USP49: variants seen among roughly 807,000 people sequenced by gnomAD.
The protein encoded by USP49 is ubiquitin carboxyl-terminal hydrolase 49.
In USP49, 24 loss-of-function variants were observed where a neutral mutation model predicts 58.6. The ratio of observed to expected loss-of-function variants is 0.41; its 90% CI spans 0.30 to 0.58. USP49 has a LOEUF of 0.58. Among genes scored for constraint, USP49 ranks in the 20% least tolerant of loss-of-function variants. The probability of loss-of-function intolerance (pLI) is 0.30; values close to 1 mark genes in which losing one functional copy is unlikely to be tolerated. For missense variants in USP49, 703 were observed against 866.1 expected (o/e 0.81, Z 2.36); for synonymous variants, 408 against 365.1 (o/e 1.12, Z -1.34).
At position 41,806,678 on chromosome 6, in the gene USP49, G is replaced by T; in HGVS notation, c.306C>A (p.Val102=). Residue 102 remains valine, a synonymous_variant, in exon 4 of 8, where the codon GTC becomes GTA. Transcript: ENST00000682992. The surrounding 1 kb of genome is among the most constrained non-coding windows in gnomAD (Gnocchi z 5.9). ...CCGGCGTGTCCTGTTTCTGGCCCCG[G>T]ACCGCCAGGAGGGAGCTTCTTAGCA... ...LKLLRSSLLA[V]RGQKQDTPVR... 6.2e-7 allele frequency: 1 copy of T among 1,614,162 alleles called. No individual in the cohort carries two copies. The highest frequency in any genetic ancestry group is 1.1e-5 in the South Asian group (1 of 91,090).
intron 5 of USP49, among the ~76,000 whole-genome samples, chr6:41,802,407 T>TTTTTATTTTATTTTATTTTA (rs1226537417): frequency 0.013 from 1,016 of 75,920 alleles, 22 homozygotes; most frequent in Non-Finnish European, 0.018. Context: ...TTTATTTTAT[T>TTTTTATTTTATTTTATTTTA]TTTTATTTTA....
intron 3 of USP49, among the ~76,000 whole-genome samples, chr6:41,860,864 C>T (rs903900999): frequency 1.3e-5 from 2 of 152,080 alleles, no homozygotes; most frequent in African/African-American, 2.4e-5. Flanking sequence ...TGGCTGGTGG[C>T]CCATGCCTGT....
At chr6:41,857,985 G>A (rs1272897551) in intron 3 of USP49, among the ~76,000 whole-genome samples, 2 of 152,184 alleles carry the variant, frequency 1.3e-5, no homozygotes, top group Non-Finnish European at 2.9e-5. Flanking sequence ...GGATTTAGCA[G>A]ACATCTTAAA....
intron 5 of USP49, among the ~76,000 whole-genome samples, chr6:41,802,452 A>ATTTTTTTTT (rs1561902624): frequency 4.7e-5 from 3 of 63,810 alleles, no homozygotes; most frequent in Non-Finnish European, 8.7e-5. Flanking sequence ...TTATTTATTT[A>ATTTTTTTTT]TTTATTTATT....
At chr6:41,892,766 T>C (rs1039381253) in intron 1 of USP49, among the ~76,000 whole-genome samples, 2 of 152,204 alleles carry the variant, frequency 1.3e-5, no homozygotes, top group African/African-American at 2.4e-5. Context: ...AAAAAAAGTA[T>C]CTTTGTGCAT....
At chr6:41,888,511 C>T (rs192160299) in intron 2 of USP49, among the ~76,000 whole-genome samples, 1 of 151,770 alleles carries the variant, frequency 6.6e-6, no homozygotes, top group African/African-American at 2.4e-5. Flanking sequence ...TGGAGTACAA[C>T]AGCACGATCT....
rs1193846668 is a variant in USP49 at position 41,798,819 on chromosome 6, T to G, written c.1781A>C (p.Glu594Ala). 1.9e-6 allele frequency: 3 copies of G among 1,613,946 alleles called. No individual in the cohort carries two copies. Among genetic ancestry groups the G allele is most frequent in the Admixed American group, 3.3e-5 (2 of 59,978 alleles). The change falls in exon 7 of 8, where the codon GAG (glutamate) becomes GCG (alanine). Residue 594 changes from glutamate (E) to alanine (A), a missense_variant. By Grantham distance (107) the Glu-to-Ala change is moderately radical. Coordinates refer to ENST00000682992, the MANE Select transcript of USP49 (RefSeq NM_001286554.2). ...CRDMLSSLDK[E>A]TFAYDLSAVV... is the part of the protein sequence containing the mutation. ...TGCGGAGAGATCATAGGCAAAGGTC[T>G]CTTTGTCAAGAGAGGAGAGCATGTC...
At chr6:41,813,306 A>T (rs1773290830) in intron 3 of USP49, among the ~76,000 whole-genome samples, 1 of 152,156 alleles carries the variant, frequency 6.6e-6, no homozygotes, top group South Asian at 2.1e-4. Flanking sequence ...TTTAGCCTTG[A>T]TGTGTCTTCA....
At chr6:41,869,555 CA>C (rs1774379504) in intron 3 of USP49, 1 of 151,672 alleles carries the variant, frequency 6.6e-6, no homozygotes, top group African/African-American at 2.4e-5. Flanking sequence ...ACTAAAAATA[CA>C]AAAATTAGCT....
chr6:41,843,096 A>G (rs1305741761), intron 3 of USP49, among the ~76,000 whole-genome samples: 1 of 151,984 alleles, frequency 6.6e-6, no homozygotes, highest in East Asian at 1.9e-4. Context: ...TGCAACCTCC[A>G]CCTCTTGGGT....
chr6:41,802,311 T>C (rs907964785), intron 5 of USP49, among the ~76,000 whole-genome samples: 2 of 151,748 alleles, frequency 1.3e-5, no homozygotes, highest in Non-Finnish European at 2.9e-5. Flanking sequence ...TATGAGCCAC[T>C]ACACCTGGCC....
At position 41,817,189 on chromosome 6, in the gene USP49, G is replaced by A. The variant is rs560241293; in HGVS notation, c.-28-10178C>T. Among the ~76,000 whole-genome samples the A allele has an allele frequency of 4.6e-3, 541 of 117,298 alleles. 5 individuals are homozygous for A. The highest frequency in any genetic ancestry group is 0.019 in the African/African-American group (508 of 27,230). The allele number at this position is 117,298 out of a possible 152,430, so 77.0% of individuals were successfully genotyped here. On this transcript the variant is annotated intron_variant, in intron 3 of 7. Coordinates refer to ENST00000682992, the MANE Select transcript of USP49 (RefSeq NM_001286554.2). ...TTTTGAGACAGAGTCTTGCTCTGTC[G>A]CCAGGCTGGAGTGCAGTGGCGCGAT...
At chr6:41,888,906 T>C (rs1169552125) in intron 2 of USP49, among the ~76,000 whole-genome samples, 2 of 152,212 alleles carry the variant, frequency 1.3e-5, no homozygotes, top group East Asian at 1.9e-4. Context: ...AATTTCCTTA[T>C]GTCACAACAA....
chr6:41,867,499 T>C (rs561421554), intron 3 of USP49, among the ~76,000 whole-genome samples: 1 of 151,004 alleles, frequency 6.6e-6, no homozygotes, highest in African/African-American at 2.4e-5. Flanking sequence ...ATCCCAGCAC[T>C]CTGGGAGGCT....
intron 3 of USP49, among the ~76,000 whole-genome samples, chr6:41,857,314 C>A (rs537773469): frequency 6.6e-6 from 1 of 152,138 alleles, no homozygotes; most frequent in Non-Finnish European, 1.5e-5. Context: ...CTCCTTTCAG[C>A]GTATTATCTC....
chr6:41,815,083 T>C (rs1313769289), intron 3 of USP49, among the ~76,000 whole-genome samples: 1 of 152,006 alleles, frequency 6.6e-6, no homozygotes, highest in African/African-American at 2.4e-5. Flanking sequence ...TATCAATATA[T>C]AGTTAAGAAA....
intron 3 of USP49, among the ~76,000 whole-genome samples, chr6:41,864,807 G>A (rs2127356393): frequency 6.6e-6 from 1 of 152,202 alleles, no homozygotes. Context: ...TCTAGCCAGT[G>A]AGCAAAGAGT....
rs1773140833 is a variant in USP49 at position 41,806,663 on chromosome 6, C to T, written c.321G>A (p.Gln107=). Residue 107 remains glutamine, a synonymous_variant, in exon 4 of 8, where the codon CAG becomes CAA. Coordinates refer to ENST00000682992, the MANE Select transcript of USP49 (RefSeq NM_001286554.2). The surrounding 1 kb of genome is among the most constrained non-coding windows in gnomAD (Gnocchi z 5.9). The part of the protein sequence containing the change: ...SSLLAVRGQK[Q]DTPVRRGRTL... Reference sequence around the variant, plus strand: ...TCCGCCCACGTCTCACCGGCGTGTCCTGTTTCTGGCCCCGGACCGCCAGGA... The same window carrying T: ...TCCGCCCACGTCTCACCGGCGTGTCTTGTTTCTGGCCCCGGACCGCCAGGA... The T allele has an allele frequency of 6.2e-7, 1 of 1,613,968 alleles. No individual in the cohort carries two copies. The highest frequency in any genetic ancestry group is 8.5e-7 in the Non-Finnish European group (1 of 1,180,052).
intron 2 of USP49, among the ~76,000 whole-genome samples, chr6:41,886,852 T>A (rs1049116708): frequency 6.6e-6 from 1 of 152,174 alleles, no homozygotes; most frequent in Non-Finnish European, 1.5e-5. Context: ...TGAGTCAAGA[T>A]CGCACCACTG....
Sources: gnomAD v4.1 joint callset for allele counts (sites outside exome capture counted in the v4.1 genomes callset) on GRCh38, gnomAD v4.1.1 for gene constraint, Gnocchi (gnomAD v3.1) non-coding constraint, MANE v1.5 for transcripts, NCBI Gene and HGNC (gene_info 2026-07-23, HGNC 2026-07-21) for gene names.